Variants in DLG2 observed in about 807,000 individuals in gnomAD.
DLG2 encodes discs large MAGUK scaffold protein 2, also known as disks large homolog 2.
DLG2 carries 45 observed loss-of-function variants against 132.5 expected under a neutral mutation model. The observed-to-expected ratio is 0.34, with a 90% CI of 0.27 to 0.44. The LOEUF (loss-of-function observed/expected upper bound fraction) is 0.44. Among genes scored for constraint, DLG2 ranks in the 20% least tolerant of loss-of-function variants. The pLI is 1.00. For synonymous variants in DLG2, 424 were observed against 419.6 expected, an observed-to-expected ratio of 1.01 and a Z score of -0.13; for missense variants, 1,045 against 1,196.9, an observed-to-expected ratio of 0.87 and a Z score of 1.87.
chr11:85,101,640 T>G (rs781155413), intron 6 of DLG2, among the ~76,000 whole-genome samples: 1 of 152,094 alleles, frequency 6.6e-6, no homozygotes, highest in Non-Finnish European at 1.5e-5. Flanking sequence ...TATGGTATTT[T>G]GTACTCCTAA....
Position 84,821,036 on chromosome 11 carries a change from T to C in DLG2, c.358-286305A>G, listed in dbSNP as rs569745791. On this transcript the variant is annotated intron_variant, in intron 6 of 27. Transcript: ENST00000376104. The stretch of plus-strand genomic sequence containing the variant: ...AGTAGATTATAATAGAATGAATGAA[T>C]GAACAAATAAAATATAAGGAAATGC... Among the ~76,000 whole-genome samples the C allele has an allele frequency of 2.0e-5, 3 of 151,936 alleles. No homozygotes were observed. In the South Asian group the frequency reaches 6.2e-4, roughly 32 times the overall value.
intron 3 of DLG2, among the ~76,000 whole-genome samples, chr11:85,592,963 G>GA (rs1017688368): frequency 7.4e-5 from 8 of 107,660 alleles, no homozygotes; most frequent in East Asian, 2.5e-4. Context: ...AGAAAGAAAA[G>GA]AAAAAAAAAG....
intron 6 of DLG2, among the ~76,000 whole-genome samples, chr11:84,918,008 C>T (rs1461126713): frequency 6.6e-6 from 1 of 152,112 alleles, no homozygotes; most frequent in East Asian, 1.9e-4. Context: ...GTCCTGCCTA[C>T]AACAAATTAT....
chr11:84,704,894 A>G (rs2059623438), intron 6 of DLG2, among the ~76,000 whole-genome samples: 1 of 149,012 alleles, frequency 6.7e-6, no homozygotes, highest in African/African-American at 2.4e-5. Context: ...CACATTATGT[A>G]TATATACACA....
At chr11:84,307,555 G>A (rs2098233781) in intron 7 of DLG2, among the ~76,000 whole-genome samples, 1 of 152,028 alleles carries the variant, frequency 6.6e-6, no homozygotes, top group African/African-American at 2.4e-5. Context: ...AATTAGCCGG[G>A]CGCAGTGAAG....
intron 4 of DLG2, among the ~76,000 whole-genome samples, chr11:85,217,766 A>G (rs1448404773): frequency 6.6e-6 from 1 of 152,182 alleles, no homozygotes; most frequent in Non-Finnish European, 1.5e-5. Flanking sequence ...CTGCAATGCT[A>G]TTCCCTTCCC....
chr11:84,612,673 T>C (rs1380972754), intron 6 of DLG2, among the ~76,000 whole-genome samples: 2 of 152,150 alleles, frequency 1.3e-5, no homozygotes, highest in African/African-American at 4.8e-5. Flanking sequence ...TATTTTATAA[T>C]ATGGTTATAT....
rs938028716 is a variant in DLG2 at position 85,401,469 on chromosome 11, G to A, written c.41-116104C>T. ...TCTCTCACCACTCCTATTCCACATAGTATTGGAAGTTCTGGCTAGGGCAAT... is the reference window on the plus strand; with the variant it reads ...TCTCTCACCACTCCTATTCCACATAATATTGGAAGTTCTGGCTAGGGCAAT... On this transcript the variant is annotated intron_variant, in intron 3 of 27. Coordinates refer to ENST00000376104, the MANE Select transcript of DLG2 (RefSeq NM_001142699.3). Among the ~76,000 whole-genome samples the A allele has an allele frequency of 5.3e-5, 8 of 152,224 alleles. No homozygotes were observed. In the East Asian group the frequency reaches 1.5e-3, roughly 29 times the overall value.
At chr11:85,272,724 A>G (rs929180833) in intron 4 of DLG2, among the ~76,000 whole-genome samples, 4 of 152,150 alleles carry the variant, frequency 2.6e-5, no homozygotes, top group East Asian at 1.9e-4. Context: ...CAAGCTACCA[A>G]TGACTCTTCA....
intron 6 of DLG2, among the ~76,000 whole-genome samples, chr11:84,893,451 A>C (rs1943721): frequency 0.097 from 14,730 of 152,178 alleles, 941 homozygotes; most frequent in African/African-American, 0.18. Flanking sequence ...GAGTCATGAG[A>C]CAGTGCAGAA....
chr11:84,149,916 C>T (rs776027901), intron 9 of DLG2, among the ~76,000 whole-genome samples: 4 of 151,948 alleles, frequency 2.6e-5, no homozygotes, highest in Admixed American at 6.6e-5. Context: ...CGCCACAATG[C>T]CTGGCTAATT....
intron 5 of DLG2, among the ~76,000 whole-genome samples, chr11:85,116,533 T>A (rs2073610143): frequency 6.6e-6 from 1 of 152,036 alleles, no homozygotes; most frequent in Admixed American, 6.6e-5. Context: ...TACAGGTGTG[T>A]ATTAAAAAAT....
chr11:84,673,429 T>C (rs2099708059), intron 6 of DLG2, among the ~76,000 whole-genome samples: 1 of 151,932 alleles, frequency 6.6e-6, no homozygotes, highest in Non-Finnish European at 1.5e-5. Context: ...AAATAAGCTG[T>C]TTCCTCCTAC....
chr11:83,845,251 G>T (rs2058393791), intron 16 of DLG2, among the ~76,000 whole-genome samples: 1 of 152,114 alleles, frequency 6.6e-6, no homozygotes. Context: ...ACTTGTAGGA[G>T]ATCAAAAAGA....
intron 16 of DLG2, among the ~76,000 whole-genome samples, chr11:83,847,407 C>T (rs2058836375): frequency 6.6e-6 from 1 of 152,006 alleles, no homozygotes; most frequent in Non-Finnish European, 1.5e-5. Context: ...TATGAAACTC[C>T]AATTAATTAT....
intron 6 of DLG2, among the ~76,000 whole-genome samples, chr11:84,611,024 T>TACACAC (rs10587472): frequency 0.091 from 12,625 of 138,094 alleles, 637 homozygotes; most frequent in South Asian, 0.14. Context: ...TTAGATGACA[T>TACACAC]ACACACACAC....
intron 3 of DLG2, among the ~76,000 whole-genome samples, chr11:85,380,628 G>A (rs1327452376): frequency 1.3e-5 from 2 of 152,112 alleles, no homozygotes; most frequent in African/African-American, 4.8e-5. Context: ...CCATTGCTCT[G>A]CAGCCTGGGC....
chr11:84,414,425 C>A (rs1031630472), intron 7 of DLG2, among the ~76,000 whole-genome samples: 3 of 152,156 alleles, frequency 2.0e-5, no homozygotes, highest in African/African-American at 7.2e-5. Context: ...AATGGCTTAT[C>A]TCCTATTTTT....
chr11:83,938,044 A>C (rs573396191), intron 14 of DLG2, among the ~76,000 whole-genome samples: 1 of 152,358 alleles, frequency 6.6e-6, no homozygotes, highest in African/African-American at 2.4e-5. Context: ...TTGTTATAAC[A>C]GCAAAACAGA....
Sources: gnomAD v4.1 joint callset for allele counts (sites outside exome capture counted in the v4.1 genomes callset) on GRCh38, gnomAD v4.1.1 for gene constraint, MANE v1.5 for transcripts, NCBI Gene and HGNC (gene_info 2026-07-23, HGNC 2026-07-21) for gene names.